The following TBC1D5 variants were observed in gnomAD, a reference collection of about 807,000 sequenced individuals.
TBC1D5 encodes the protein TBC1 domain family, member 5.
A neutral mutation model predicts 100.3 loss-of-function variants in TBC1D5; 75 were observed. The ratio of observed to expected loss-of-function variants is 0.75; its 90% CI spans 0.62 to 0.91. The LOEUF is 0.91. Ranked by LOEUF, TBC1D5 falls within the 40% of genes least tolerant of loss-of-function variation. The pLI is 0.00. For missense variants in TBC1D5, 910 were observed against 942.4 expected (o/e 0.97, Z 0.45); for synonymous variants, 323 against 325.6 (o/e 0.99, Z 0.09).
chr3:17,727,345 C>G (rs1271948046), intron 1 of TBC1D5, among the ~76,000 whole-genome samples: 1 of 152,184 alleles, frequency 6.6e-6, no homozygotes, highest in Non-Finnish European at 1.5e-5. Context: ...CGTGCCATTG[C>G]ACTCTAGCCT....
At chr3:17,483,188 C>T (rs2095520536) in intron 3 of TBC1D5, among the ~76,000 whole-genome samples, 1 of 152,132 alleles carries the variant, frequency 6.6e-6, no homozygotes, top group South Asian at 2.1e-4. Context: ...TTACAGAGAA[C>T]TTTAATATAA....
At chr3:17,223,900 A>C (rs1475704715) in intron 17 of TBC1D5, among the ~76,000 whole-genome samples, 3 of 150,434 alleles carry the variant, frequency 2.0e-5, no homozygotes, top group East Asian at 3.9e-4. Context: ...TCTGTCTCAA[A>C]AAAACAAAAC....
chr3:17,586,445 A>G (rs545511898), intron 2 of TBC1D5: 3 of 152,158 alleles, frequency 2.0e-5, no homozygotes, highest in Non-Finnish European at 4.4e-5. Context: ...GCTCAGTACA[A>G]TAGAGTTCTC....
chr3:17,431,463 C>G (rs879512054), intron 3 of TBC1D5, among the ~76,000 whole-genome samples: 5 of 151,814 alleles, frequency 3.3e-5, no homozygotes, highest in African/African-American at 4.8e-5. Context: ...ATCTAGATGT[C>G]TTTATTGAGT....
At chr3:17,496,872 A>C (rs2095713729) in intron 3 of TBC1D5, among the ~76,000 whole-genome samples, 1 of 152,126 alleles carries the variant, frequency 6.6e-6, no homozygotes, top group African/African-American at 2.4e-5. Context: ...GAGTCTTTAG[A>C]TATAATCTGC....
intron 2 of TBC1D5, among the ~76,000 whole-genome samples, chr3:17,582,621 T>C (rs1324419258): frequency 4.7e-5 from 7 of 148,780 alleles, no homozygotes; most frequent in African/African-American, 1.7e-4. Flanking sequence ...AGAGTGTAAA[T>C]AACTTTACCA....
intron 2 of TBC1D5, among the ~76,000 whole-genome samples, chr3:17,547,467 T>C (rs1296624980): frequency 6.6e-6 from 1 of 152,316 alleles, no homozygotes; most frequent in East Asian, 1.9e-4. Context: ...GCAATGCTTT[T>C]ACTTCTCTTA....
At position 17,636,218 on chromosome 3, in the gene TBC1D5, A is replaced by T. The variant is rs564465829; in HGVS notation, c.-100-12305T>A. On this transcript the variant is annotated intron_variant, in intron 1 of 21. Coordinates refer to ENST00000253692, the Ensembl canonical transcript of TBC1D5. ...AAAAAGAATGTTTTTCAGATGGGAA[A>T]AAAAACAGCATATAAGCATATTGAT... is the stretch of plus-strand genomic sequence containing the variant. 8.5e-5 allele frequency among the ~76,000 whole-genome samples: 13 copies of T among 152,292 alleles called. No individual in the cohort carries two copies. The South Asian group carries it at 2.7e-3, about 32-fold the overall frequency.
At chr3:17,518,488 G>A (rs1340503289) in intron 2 of TBC1D5, among the ~76,000 whole-genome samples, 3 of 152,158 alleles carry the variant, frequency 2.0e-5, no homozygotes, top group Admixed American at 6.5e-5. Context: ...CAGATTTCAG[G>A]GGAAGAAGAT....
chr3:17,462,205 T>C (rs1276627862), intron 3 of TBC1D5, among the ~76,000 whole-genome samples: 1 of 152,164 alleles, frequency 6.6e-6, no homozygotes, highest in Non-Finnish European at 1.5e-5. Context: ...GTTTATTCAT[T>C]GTTAAGGTCT....
chr3:17,627,863 A>C (rs539654425), intron 1 of TBC1D5, among the ~76,000 whole-genome samples: 1 of 152,174 alleles, frequency 6.6e-6, no homozygotes, highest in African/African-American at 2.4e-5. Flanking sequence ...TACAAGATTA[A>C]AAGAAAAACA....
chr3:17,684,560 C>G lies in TBC1D5; in HGVS notation c.-101+54783G>C, dbSNP rs567639548. ...ACTACTTTAACCTATTCATTAAACC[C>G]TTTCAATAAGAGAGCCCTAATAACT... On this transcript the variant is annotated intron_variant, in intron 1 of 21. Coordinates refer to ENST00000253692, the Ensembl canonical transcript of TBC1D5. Among the ~76,000 whole-genome samples, 161 of 152,100 alleles carry G rather than the reference C, an allele frequency of 1.1e-3. 1 individual carries two copies. Among genetic ancestry groups the G allele is most frequent in the African/African-American group, 3.8e-3 (156 of 41,542 alleles).
chr3:17,367,967 T>C (rs571738072), intron 13 of TBC1D5, among the ~76,000 whole-genome samples: 1 of 148,734 alleles, frequency 6.7e-6, no homozygotes, highest in Non-Finnish European at 1.5e-5. Context: ...AAACATAATA[T>C]AAATTACCTT....
At chr3:17,266,153 GGT>G (rs2078824715) in intron 15 of TBC1D5, among the ~76,000 whole-genome samples, 1 of 151,918 alleles carries the variant, frequency 6.6e-6, no homozygotes, top group African/African-American at 2.4e-5. Context: ...AAAAATTTGT[GGT>G]CTGATATTCA....
chr3:17,198,548 A>G (rs143200243), intron 18 of TBC1D5, among the ~76,000 whole-genome samples: 2,490 of 152,352 alleles, frequency 0.016, 27 homozygotes, highest in Non-Finnish European at 0.027. Flanking sequence ...TGAAATTCAA[A>G]TGTAACTGGG....
intron 1 of TBC1D5, among the ~76,000 whole-genome samples, chr3:17,736,488 G>C (rs557392066): frequency 1.2e-4 from 18 of 152,232 alleles, no homozygotes; most frequent in African/African-American, 3.4e-4. Context: ...AGTAAAAGGG[G>C]TCTAGTTTAA....
chr3:17,364,459 T>C (rs2091972349), intron 13 of TBC1D5, among the ~76,000 whole-genome samples: 1 of 152,226 alleles, frequency 6.6e-6, no homozygotes. Flanking sequence ...GGCTATTGTA[T>C]GTCTATGAAA....
intron 2 of TBC1D5, among the ~76,000 whole-genome samples, chr3:17,514,584 A>AT (rs1475956644): frequency 6.6e-6 from 1 of 152,168 alleles, no homozygotes; most frequent in African/African-American, 2.4e-5. Flanking sequence ...TACTAGACTC[A>AT]TAAACAATAT....
At chr3:17,422,195 G>GT (rs932537454) in intron 4 of TBC1D5, among the ~76,000 whole-genome samples, 70 of 151,344 alleles carry the variant, frequency 4.6e-4, no homozygotes, top group Admixed American at 1.1e-3. Context: ...TTTTGAGACA[G>GT]TTTTTTTTTA....
Sources: allele counts gnomAD v4.1 joint callset (sites outside exome capture counted in the v4.1 genomes callset), GRCh38; gene constraint gnomAD v4.1.1; transcripts MANE v1.5; gene names NCBI Gene and HGNC (gene_info 2026-07-23, HGNC 2026-07-21).